CHRM3: variants seen among roughly 807,000 people sequenced by gnomAD.
CHRM3 encodes muscarinic acetylcholine receptor M3.
A neutral mutation model predicts 41.8 loss-of-function variants in CHRM3; 11 were observed. The ratio of observed to expected loss-of-function variants is 0.26; its 90% CI spans 0.17 to 0.44. The LOEUF (loss-of-function observed/expected upper bound fraction) is 0.44, where lower values mean the gene tolerates loss of function less well. Among genes scored for constraint, CHRM3 ranks in the 20% least tolerant of loss-of-function variants. CHRM3 has a pLI of 1.00. For synonymous variants in CHRM3, 297 were observed against 301.4 expected, an observed-to-expected ratio of 0.99 and a Z score of 0.15; for missense variants, 571 against 745.4, an observed-to-expected ratio of 0.77 and a Z score of 2.72.
chr1:239,577,878 A>G (rs1662520577), intron 3 of CHRM3, among the ~76,000 whole-genome samples: 1 of 152,156 alleles, frequency 6.6e-6, no homozygotes, highest in Non-Finnish European at 1.5e-5. Context: ...GCCCATGGCA[A>G]GCATACGGAT....
intron 3 of CHRM3, among the ~76,000 whole-genome samples, chr1:239,555,655 C>T (rs1660281920): frequency 6.6e-6 from 1 of 152,176 alleles, no homozygotes; most frequent in Non-Finnish European, 1.5e-5. Flanking sequence ...TTAACTGCCC[C>T]TTAATCTGCA....
At chr1:239,734,659 T>A (rs993796992) in intron 5 of CHRM3, among the ~76,000 whole-genome samples, 2 of 152,068 alleles carry the variant, frequency 1.3e-5, no homozygotes. Flanking sequence ...ATCAGATACA[T>A]GTTATAAGTG....
At chr1:239,542,176 G>A (rs932688058) in intron 2 of CHRM3, among the ~76,000 whole-genome samples, 5 of 152,196 alleles carry the variant, frequency 3.3e-5, no homozygotes, top group South Asian at 2.1e-4. Context: ...AGACAGATAC[G>A]CAAACAGATA....
rs1665519238 is a variant in CHRM3 at position 239,748,076 on chromosome 1, G to C, written c.-147+69788G>C. Among the ~76,000 whole-genome samples, 1 of 152,036 alleles carries C rather than the reference G, an allele frequency of 6.6e-6. No homozygotes were observed. Among genetic ancestry groups the C allele is most frequent in the Admixed American group, 6.6e-5 (1 of 15,246 alleles). On this transcript the variant is annotated intron_variant, in intron 5 of 6. Transcript: ENST00000676153. This position sits in a 1 kb window ranked among gnomAD's most constrained non-coding sequence, Gnocchi z 4.3. ...ATTTAAAGGAACACTGTGAAAATAG[G>C]AGTAAGGAAAAGCCCTTACAATTTG...
At chr1:239,402,808 G>A (rs1478997398) in intron 1 of CHRM3, among the ~76,000 whole-genome samples, 1 of 152,130 alleles carries the variant, frequency 6.6e-6, no homozygotes, top group Non-Finnish European at 1.5e-5. Flanking sequence ...TATAACCTAT[G>A]CATATCCTCC....
intron 4 of CHRM3, among the ~76,000 whole-genome samples, chr1:239,665,214 CTTT>C (rs1673659698): frequency 6.8e-6 from 1 of 146,578 alleles, no homozygotes; most frequent in Admixed American, 6.8e-5. Context: ...TCCCTGTCTT[CTTT>C]AACTCATTCA....
intron 1 of CHRM3, among the ~76,000 whole-genome samples, chr1:239,404,025 G>A (rs569755926): frequency 4.4e-5 from 6 of 137,626 alleles, no homozygotes; most frequent in Admixed American, 7.6e-5. Context: ...TACCTGGCTC[G>A]GTGGCTCACG....
At chr1:239,714,235 G>C (rs1190177390) in intron 5 of CHRM3, 1 of 152,154 alleles carries the variant, frequency 6.6e-6, no homozygotes, top group Non-Finnish European at 1.5e-5. Flanking sequence ...AACAAGAATG[G>C]AGAGCCTTGG....
intron 4 of CHRM3, among the ~76,000 whole-genome samples, chr1:239,666,683 A>G (rs1488601382): frequency 6.6e-6 from 1 of 151,740 alleles, no homozygotes; most frequent in Non-Finnish European, 1.5e-5. Flanking sequence ...TTACAATATC[A>G]ACTTTTATTT....
At chr1:239,434,045 G>T (rs6671410) in intron 1 of CHRM3, among the ~76,000 whole-genome samples, 87,444 of 151,962 alleles carry the variant, frequency 0.58, 25,530 homozygotes, top group African/African-American at 0.64. Flanking sequence ...TCAGGCTGTT[G>T]TCCATAGTGG....
intron 5 of CHRM3, among the ~76,000 whole-genome samples, chr1:239,720,685 T>G (rs1662879745): frequency 6.6e-6 from 1 of 151,964 alleles, no homozygotes; most frequent in Non-Finnish European, 1.5e-5. Context: ...TCTCCAGAGT[T>G]TTTATATAAA....
intron 3 of CHRM3, among the ~76,000 whole-genome samples, chr1:239,563,793 A>C (rs1417484832): frequency 6.6e-6 from 1 of 152,166 alleles, no homozygotes; most frequent in Non-Finnish European, 1.5e-5. Flanking sequence ...AATAGTTGTG[A>C]AAAATGAGGA....
At chr1:239,579,816 A>G (rs1055840551) in intron 3 of CHRM3, among the ~76,000 whole-genome samples, 1 of 152,190 alleles carries the variant, frequency 6.6e-6, no homozygotes, top group Non-Finnish European at 1.5e-5. Flanking sequence ...CTGATTATTC[A>G]TTCATCTTCA....
At chr1:239,876,771 C>CTA (rs1402475724) in intron 6 of CHRM3, among the ~76,000 whole-genome samples, 2 of 152,080 alleles carry the variant, frequency 1.3e-5, no homozygotes, top group Admixed American at 6.5e-5. Flanking sequence ...TTGGGGTATG[C>CTA]TATATATATG....
chr1:239,748,771 A>G lies in CHRM3; in HGVS notation c.-147+70483A>G, dbSNP rs528641759. ...CATTTAACAAGGAATAATTTACAGA[A>G]CACAAAGAAGTTTTATGCAAATTCT... is the stretch of plus-strand genomic sequence containing the variant. On this transcript the variant is annotated intron_variant, in intron 5 of 6. Coordinates refer to ENST00000676153, the MANE Select transcript of CHRM3 (RefSeq NM_001375978.1). This position sits in a 1 kb window ranked among gnomAD's most constrained non-coding sequence, Gnocchi z 4.3. Among the ~76,000 whole-genome samples the G allele has an allele frequency of 1.8e-4, 27 of 152,362 alleles. No individual in the cohort carries two copies. Among genetic ancestry groups the G allele is most frequent in the African/African-American group, 6.5e-4 (27 of 41,586 alleles).
At chr1:239,752,966 A>G (rs1465011451) in intron 5 of CHRM3, among the ~76,000 whole-genome samples, 1 of 152,216 alleles carries the variant, frequency 6.6e-6, no homozygotes, top group Non-Finnish European at 1.5e-5. Flanking sequence ...TGATACTTAC[A>G]TAGAAGAAGA....
At chr1:239,731,974 G>T (rs879240664) in intron 5 of CHRM3, among the ~76,000 whole-genome samples, 1 of 151,874 alleles carries the variant, frequency 6.6e-6, no homozygotes, top group African/African-American at 2.4e-5. Flanking sequence ...TAAACAATTA[G>T]GTCCAAACAC....
At chr1:239,888,303 G>A (rs750223500) in intron 6 of CHRM3, among the ~76,000 whole-genome samples, 1 of 151,894 alleles carries the variant, frequency 6.6e-6, no homozygotes, top group Non-Finnish European at 1.5e-5. Context: ...AGGAGGTTGA[G>A]GCTGCAGTGA....
chr1:239,611,934 T>C (rs907368647), intron 3 of CHRM3, among the ~76,000 whole-genome samples: 2 of 152,224 alleles, frequency 1.3e-5, no homozygotes, highest in Non-Finnish European at 2.9e-5. Flanking sequence ...TAATTCTAAC[T>C]ACAGTATGTA....
Sources: gnomAD v4.1 joint callset for allele counts (sites outside exome capture counted in the v4.1 genomes callset) on GRCh38, gnomAD v4.1.1 for gene constraint, Gnocchi (gnomAD v3.1) non-coding constraint, MANE v1.5 for transcripts, NCBI Gene and HGNC (gene_info 2026-07-23, HGNC 2026-07-21) for gene names.